The following VIPR2 variants were observed in gnomAD, a reference collection of about 807,000 sequenced individuals.
The protein encoded by VIPR2 is vasoactive intestinal polypeptide receptor 2.
In VIPR2, 48 loss-of-function variants were observed where a neutral mutation model predicts 58.0. The observed-to-expected ratio is 0.83, with a 90% CI of 0.66 to 1.05. The LOEUF (loss-of-function observed/expected upper bound fraction) is 1.05. VIPR2 is among the 50% of genes least tolerant of loss of function. The probability of loss-of-function intolerance (pLI) is 0.00; values close to 1 mark genes in which losing one functional copy is unlikely to be tolerated. For synonymous variants in VIPR2, 243 were observed against 235.2 expected, an observed-to-expected ratio of 1.03 and a Z score of -0.30; for missense variants, 534 against 558.0, an observed-to-expected ratio of 0.96 and a Z score of 0.43.
intron 2 of VIPR2, among the ~76,000 whole-genome samples, chr7:159,115,962 G>A (rs1350529773): frequency 6.6e-6 from 1 of 152,128 alleles, no homozygotes; most frequent in Non-Finnish European, 1.5e-5. Context: ...GTGAGGCATC[G>A]ATTTGTTTGT....
At chr7:159,132,916 ATTGATTT>A (rs1797018475) in intron 2 of VIPR2, among the ~76,000 whole-genome samples, 2 of 140,058 alleles carry the variant, frequency 1.4e-5, no homozygotes, top group African/African-American at 5.1e-5. Flanking sequence ...TGGCATACAG[ATTGATTT>A]CAGACAGAAT....
At chr7:159,141,337 G>T (rs910990465) in intron 2 of VIPR2, among the ~76,000 whole-genome samples, 4 of 152,270 alleles carry the variant, frequency 2.6e-5, no homozygotes, top group Non-Finnish European at 5.9e-5. Flanking sequence ...GATCTTTACA[G>T]CCGGAAGAAG....
At position 159,031,575 on chromosome 7, in the gene VIPR2, C is replaced by A. The variant is rs1030624723; in HGVS notation, c.1143+253G>T. 3.0e-6 allele frequency: 3 copies of A among 985,246 alleles called. No individual in the cohort carries two copies. Among genetic ancestry groups the A allele is most frequent in the African/African-American group, 1.7e-5 (1 of 57,224 alleles). The allele number at this position is 985,246 out of a possible 1,614,324, so 61.0% of individuals were successfully genotyped here. On this transcript the variant is annotated intron_variant, in intron 12 of 12. Transcript: ENST00000262178. The surrounding 1 kb of genome is among the most constrained non-coding windows in gnomAD (Gnocchi z 4.0). ...CCGGCCGGGAGCTTTCCCGAGAGGGCTCCGAGACGGACGGCAGTCGATGCT... is the reference window on the plus strand; with the variant it reads ...CCGGCCGGGAGCTTTCCCGAGAGGGATCCGAGACGGACGGCAGTCGATGCT...
In VIPR2 at chr7:159,034,310, C is replaced by T. The variant is rs765451244; in HGVS notation, c.880-6G>A. On this transcript the variant is annotated splice_region_variant and splice_polypyrimidine_tract_variant and intron_variant, in intron 9 of 12. Transcript: ENST00000262178. ...ATGAAAAGGACAAAATTGACCTGCA[C>T]AAGAGATAATAAGTTTGTGAAACAG... 2 of 1,613,238 alleles carry T rather than the reference C, an allele frequency of 1.2e-6. No individual in the cohort carries two copies. The highest frequency in any genetic ancestry group is 1.3e-5 in the African/African-American group (1 of 75,004).
At position 159,129,392 on chromosome 7, in the gene VIPR2, G is replaced by A. The variant is rs549412383; in HGVS notation, c.151+13054C>T. On this transcript the variant is annotated intron_variant, in intron 2 of 12. Transcript: ENST00000262178. ...ACTCTGCTCCCTCAAACTGGCCTCT[G>A]GCGGGGACAGGGCCAGGTGACCAGC... 9.2e-4 allele frequency among the ~76,000 whole-genome samples: 125 copies of A among 135,978 alleles called. 2 individuals carry two copies. The highest frequency in any genetic ancestry group is 3.7e-3 in the African/African-American group (119 of 32,080). 89.2% of individuals were successfully genotyped at this position (135,978 alleles called of 152,430 possible).
At chr7:159,130,024 G>A (rs371480094) in intron 2 of VIPR2, among the ~76,000 whole-genome samples, 6 of 141,560 alleles carry the variant, frequency 4.2e-5, no homozygotes, top group African/African-American at 1.7e-4. Flanking sequence ...TGGCCTCTGG[G>A]GGGGACAGGG....
At chr7:159,124,283 T>G (rs1796578218) in intron 2 of VIPR2, among the ~76,000 whole-genome samples, 2 of 152,260 alleles carry the variant, frequency 1.3e-5, no homozygotes, top group Non-Finnish European at 2.9e-5. Flanking sequence ...GTTTGGGGTT[T>G]TACATTTAAG....
At chr7:159,039,414 G>T (rs1454318269) in intron 6 of VIPR2, among the ~76,000 whole-genome samples, 1 of 152,182 alleles carries the variant, frequency 6.6e-6, no homozygotes, top group Non-Finnish European at 1.5e-5. Context: ...GGAGGTGGAG[G>T]TTGCAGTGAG....
Position 159,052,345 on chromosome 7 carries a change from GAACT to G in VIPR2, c.455+6132_455+6135del, listed in dbSNP as rs560124736. On this transcript the variant is annotated intron_variant, in intron 5 of 12. Transcript: ENST00000262178. ...ATTCCTTGAAAAGTACAACTTAGCA[GAACT>G]AACATACAAAGAAACCGAGAGTCTG... 5.3e-5 allele frequency among the ~76,000 whole-genome samples: 8 copies of G among 152,256 alleles called. No homozygotes were observed. The South Asian group carries it at 1.7e-3, about 32-fold the overall frequency.
rs190187022 is a variant in VIPR2 at position 159,098,002 on chromosome 7, G to A, written c.357+5755C>T. 1.5e-3 allele frequency among the ~76,000 whole-genome samples: 222 copies of A among 152,272 alleles called. 1 individual carries two copies. Among genetic ancestry groups the A allele is most frequent in the African/African-American group, 4.8e-3 (200 of 41,576 alleles). On this transcript the variant is annotated intron_variant, in intron 4 of 12. Coordinates refer to ENST00000262178, the MANE Select transcript of VIPR2 (RefSeq NM_003382.5). This position sits in a 1 kb window ranked among gnomAD's most constrained non-coding sequence, Gnocchi z 5.2. ...ACACAGACCCACTGGGCCAGAGCCC[G>A]CACCACGATCAGTCCCAGGAGCTCC... is the stretch of plus-strand genomic sequence containing the variant.
intron 6 of VIPR2, among the ~76,000 whole-genome samples, chr7:159,041,074 G>A (rs940031920): frequency 6.6e-6 from 1 of 152,204 alleles, no homozygotes; most frequent in African/African-American, 2.4e-5. Flanking sequence ...TTTGGATCCC[G>A]AGACTCCGGG....
At chr7:159,062,827 AGAGAGCTGATTGGTCTGTTTTACT>A (rs554132328) in intron 4 of VIPR2, among the ~76,000 whole-genome samples, 22,269 of 151,950 alleles carry the variant, frequency 0.15, 1,688 homozygotes, top group Non-Finnish European at 0.16. Flanking sequence ...TCCATTTTAC[AGAGAGCTGATTGGTCTGTTTTACT>A]GAGAGCTGAT....
At chr7:159,074,767 T>G (rs181772196) in intron 4 of VIPR2, among the ~76,000 whole-genome samples, 1 of 152,294 alleles carries the variant, frequency 6.6e-6, no homozygotes, top group African/African-American at 2.4e-5. Flanking sequence ...GTGGGAGGAT[T>G]GCTTGAGGCT....
intron 2 of VIPR2, among the ~76,000 whole-genome samples, chr7:159,110,418 G>C (rs550173168): frequency 1.3e-5 from 2 of 152,198 alleles, no homozygotes; most frequent in Admixed American, 6.5e-5. Context: ...TTTGCATAAT[G>C]CATAGCTTAA....
chr7:159,068,013 A>C (rs960754068), intron 4 of VIPR2, among the ~76,000 whole-genome samples: 1 of 152,262 alleles, frequency 6.6e-6, no homozygotes, highest in Non-Finnish European at 1.5e-5. Flanking sequence ...CGGCTCCTGC[A>C]TGCTAACCGC....
In VIPR2 at chr7:159,133,430, C is replaced by T. The variant is rs1469458928; in HGVS notation, c.151+9016G>A. Among the ~76,000 whole-genome samples, 8 of 152,382 alleles carry T rather than the reference C, an allele frequency of 5.2e-5. No individual in the cohort carries two copies. The South Asian group carries it at 6.2e-4, about 12-fold the overall frequency. On this transcript the variant is annotated intron_variant, in intron 2 of 12. Transcript: ENST00000262178. Reference sequence around the variant, plus strand: ...TAAAATGCAGGCATCTGGGAAATGACGCATCAGAAGGGAGAAAAAATGGGA... The same window carrying T: ...TAAAATGCAGGCATCTGGGAAATGATGCATCAGAAGGGAGAAAAAATGGGA...
At chr7:159,103,983 G>T (rs1858464707) in intron 3 of VIPR2, 129 bp from the exon 4 acceptor site, 1 of 763,364 alleles carries the variant, frequency 1.3e-6, no homozygotes, top group Admixed American at 2.3e-5. Context: ...TAGGAGACAG[G>T]ACTGCCACTC....
chr7:159,123,360 T>C (rs1347105926), intron 2 of VIPR2, among the ~76,000 whole-genome samples: 5 of 145,640 alleles, frequency 3.4e-5, no homozygotes, highest in Non-Finnish European at 7.5e-5. Context: ...TTTGTGTTCA[T>C]AAGTTCTCAT....
chr7:159,121,410 C>T (rs559520782), intron 2 of VIPR2, among the ~76,000 whole-genome samples: 1 of 152,238 alleles, frequency 6.6e-6, no homozygotes, highest in East Asian at 1.9e-4. Flanking sequence ...AGTCCAGCAA[C>T]GTCAGGGACT....
Sources: gnomAD v4.1 joint callset for allele counts (sites outside exome capture counted in the v4.1 genomes callset) on GRCh38, gnomAD v4.1.1 for gene constraint, Gnocchi (gnomAD v3.1) non-coding constraint, MANE v1.5 for transcripts, NCBI Gene and HGNC (gene_info 2026-07-23, HGNC 2026-07-21) for gene names.